The following AFM variants were observed in gnomAD, a reference collection of about 807,000 sequenced individuals.
AFM encodes the protein afamin.
AFM carries 82 observed loss-of-function variants against 68.7 expected under a neutral mutation model. The ratio of observed to expected loss-of-function variants is 1.19; its 90% confidence interval spans 1.00 to 1.43. The LOEUF is 1.43. AFM is among the 40% of genes most tolerant of loss of function. The pLI is 0.00. For missense variants in AFM, 772 were observed against 701.8 expected (o/e 1.10, Z -1.13); for synonymous variants, 250 against 234.2 (o/e 1.07, Z -0.61).
In AFM at chr4:73,484,341, A is replaced by T; in HGVS notation, c.221A>T (p.Lys74Ile). 1 of 1,613,038 alleles carries T rather than the reference A, an allele frequency of 6.2e-7. No individual in the cohort carries two copies. The highest frequency in any genetic ancestry group is 8.5e-7 in the Non-Finnish European group (1 of 1,179,602). The change falls in exon 3 of 15, where the codon AAA (lysine) becomes ATA (isoleucine). Residue 74 changes from lysine (K) to isoleucine (I), a missense_variant. By Grantham distance (102) the Lys-to-Ile change is moderately radical (BLOSUM62 -3). Transcript: ENST00000226355. Reference protein sequence around the residue: ...EKLVKDMVEYKDRCMADKTLP... With the variant: ...EKLVKDMVEYIDRCMADKTLP... ...CTGGTGAAAGACATGGTAGAATACA[A>T]AGACAGATGTATGGCTGACAAGACG... is the stretch of plus-strand genomic sequence containing the variant.
rs1721078055 is a variant in AFM at position 73,491,878 on chromosome 4, G to A, written c.850G>A (p.Val284Ile). 1.9e-6 allele frequency: 3 copies of A among 1,612,928 alleles called. No individual in the cohort carries two copies. The highest frequency in any genetic ancestry group is 2.5e-6 in the Non-Finnish European group (3 of 1,179,336). The change falls in exon 8 of 15, where the codon GTT (valine) becomes ATT (isoleucine). Residue 284 changes from valine (V) to isoleucine (I), a missense_variant. Coordinates refer to ENST00000226355, the MANE Select transcript of AFM (RefSeq NM_001133.2). ...TCATTCTTATTTGGTACAGAGCAAGGTTATGAACCATATTTGTTCAAAACA... is the reference window on the plus strand; with the variant it reads ...TCATTCTTATTTGGTACAGAGCAAGATTATGAACCATATTTGTTCAAAACA... ...VVQCIRDTSKVMNHICSKQDS... is the reference protein window; with the variant it reads ...VVQCIRDTSKIMNHICSKQDS...
chr4:73,502,909 G>A (rs1577982900), intron 13 of AFM, 141 bp from the exon 14 acceptor site: 1 of 814,832 alleles, frequency 1.2e-6, no homozygotes, highest in Non-Finnish European at 2.0e-6. Flanking sequence ...TTCACTAGAA[G>A]AAAGAATGTT....
intron 1 of AFM, among the ~76,000 whole-genome samples, chr4:73,483,019 A>G (rs1417486680): frequency 6.6e-6 from 1 of 152,136 alleles, no homozygotes; most frequent in African/African-American, 2.4e-5. Flanking sequence ...CCTAGGTACC[A>G]TTATTCCTCT....
At chr4:73,484,507 ATTCT>A (rs1488454683) in intron 3 of AFM, 117 bp downstream of exon 3, 10 of 440,582 alleles carry the variant, frequency 2.3e-5, no homozygotes, top group Middle Eastern at 6.3e-4. Context: ...TCTTTCTTTC[ATTCT>A]TTCTTTCTTC....
chr4:73,482,885 A>G (rs1048116847), intron 1 of AFM, among the ~76,000 whole-genome samples: 1 of 152,212 alleles, frequency 6.6e-6, no homozygotes, highest in Non-Finnish European at 1.5e-5. Context: ...CTTAGTGTAT[A>G]GAAATGATCA....
chr4:73,482,880 T>C (rs1381927108), intron 1 of AFM, among the ~76,000 whole-genome samples: 1 of 152,192 alleles, frequency 6.6e-6, no homozygotes, highest in Non-Finnish European at 1.5e-5. Context: ...TATTTCTTAG[T>C]GTATAGAAAT....
chr4:73,500,351 TC>T, intron 12 of AFM, 124 bp downstream of exon 12: 1 of 842,492 alleles, frequency 1.2e-6, no homozygotes, highest in Non-Finnish European at 1.8e-6. Flanking sequence ...CACCAAATTG[TC>T]CAGTCTCTTC....
At chr4:73,502,933 T>A in intron 13 of AFM, 117 bp from the exon 14 acceptor site, 1 of 979,828 alleles carries the variant, frequency 1.0e-6, no homozygotes, top group Non-Finnish European at 1.6e-6. Context: ...TGTTTCCCTG[T>A]ACAACGTGGG....
At position 73,484,491 on chromosome 4, in the gene AFM, T is replaced by TTTC. The variant is rs1553894011; in HGVS notation, c.270+104_270+106dup. 7.7e-6 allele frequency: 6 copies of TTTC among 782,912 alleles called. No individual in the cohort carries two copies. The African/African-American group carries it at 9.7e-5, about 13-fold the overall frequency. The allele number at this position is 782,912 out of a possible 1,614,324, so 48.5% of individuals were successfully genotyped here. A position where few individuals can be genotyped will look rare whatever the true frequency, so the allele number is the denominator to read the frequency against. On this transcript the variant is annotated intron_variant, in intron 3 of 14. Coordinates refer to ENST00000226355, the MANE Select transcript of AFM (RefSeq NM_001133.2). ...CTTTCTTTCTTTCTTTCTTTCTTTC[T>TTTC]TTCTTTCTTTCTTTCATTCTTTCTT...
At chr4:73,500,537 A>G (rs1043544685) in intron 12 of AFM, among the ~76,000 whole-genome samples, 2 of 152,188 alleles carry the variant, frequency 1.3e-5, no homozygotes, top group African/African-American at 4.8e-5. Flanking sequence ...CCTTGAGGGA[A>G]TGCCCGGAGA....
chr4:73,495,448 G>A lies in AFM; in HGVS notation c.1191+16G>A, dbSNP rs745407028. On this transcript the variant is annotated intron_variant, in intron 9 of 14. Coordinates refer to ENST00000226355, the MANE Select transcript of AFM (RefSeq NM_001133.2). ...CCGTTACGCGGTAGGTTCCATTGTT[G>A]TAGGTTCAGAAAATCAAAAAAGAAC... 2.5e-6 allele frequency: 4 copies of A among 1,596,596 alleles called. No homozygotes were observed. Among genetic ancestry groups the A allele is most frequent in the Non-Finnish European group, 3.4e-6 (4 of 1,175,938 alleles).
At chr4:73,487,217 A>G (rs1241016164) in intron 5 of AFM, 118 bp downstream of exon 5, 1 of 1,108,784 alleles carries the variant, frequency 9.0e-7, no homozygotes, top group Non-Finnish European at 1.3e-6. Context: ...CTCTTGTCAC[A>G]TTCAGTGATT....
intron 6 of AFM, among the ~76,000 whole-genome samples, chr4:73,488,156 G>A (rs1560409882): frequency 6.6e-6 from 1 of 152,130 alleles, no homozygotes. Flanking sequence ...CTTTAACAAT[G>A]AGGAGATAAA....
Position 73,488,890 on chromosome 4 carries a change from G to T in AFM, c.843+131G>T, listed in dbSNP as rs549011185. ...AATGTGATTTAACTTTTGAATGAAA[G>T]CATAAAATGAAATATAAACATTTTT... On this transcript the variant is annotated intron_variant, in intron 7 of 14. Coordinates refer to ENST00000226355, the MANE Select transcript of AFM (RefSeq NM_001133.2). The T allele has an allele frequency of 4.5e-6, 4 of 888,432 alleles. No homozygotes were observed. The African/African-American group carries it at 5.3e-5, about 12-fold the overall frequency. The allele number at this position is 888,432 out of a possible 1,614,324, so 55.0% of individuals were successfully genotyped here.
chr4:73,497,430 A>G (rs968614062), intron 9 of AFM, among the ~76,000 whole-genome samples: 3 of 152,200 alleles, frequency 2.0e-5, no homozygotes, highest in Non-Finnish European at 4.4e-5. Context: ...AGGTGATAAT[A>G]AAAAAATTTG....
chr4:73,487,035 A>G lies in AFM; in HGVS notation c.551A>G (p.His184Arg). The part of the protein sequence containing the change: ...FAPTLLTVAV[H>R]FEEVAKSCCE... Reference sequence around the variant, plus strand: ...CCTACACTTCTAACTGTTGCTGTTCATTTTGAGGAGGTGGCCAAATCATGT... The same window carrying G: ...CCTACACTTCTAACTGTTGCTGTTCGTTTTGAGGAGGTGGCCAAATCATGT... The change falls in exon 5 of 15, where the codon CAT becomes CGT. Residue 184 changes from histidine (H) to arginine (R), a missense_variant. His to Arg is a conservative substitution (Grantham distance 29). Transcript: ENST00000226355. 1 of 1,613,990 alleles carries G rather than the reference A, an allele frequency of 6.2e-7. No homozygotes were observed. Among genetic ancestry groups the G allele is most frequent in the Non-Finnish European group, 8.5e-7 (1 of 1,179,982 alleles).
At chr4:73,481,940 C>A in intron 1 of AFM, 77 bp downstream of exon 1, 1 of 1,047,034 alleles carries the variant, frequency 9.6e-7, no homozygotes, top group Non-Finnish European at 1.4e-6. Context: ...TGTTTTCTTT[C>A]AAGTTAATTC....
At chr4:73,484,103 T>C (rs563841696) in intron 2 of AFM, 114 bp downstream of exon 2, 12 of 1,366,708 alleles carry the variant, frequency 8.8e-6, no homozygotes, top group Non-Finnish European at 1.2e-5. Context: ...AGAAGACAAC[T>C]TTAATTATAA....
chr4:73,491,289 C>T (rs1721064257), intron 7 of AFM, among the ~76,000 whole-genome samples: 1 of 152,156 alleles, frequency 6.6e-6, no homozygotes, highest in Non-Finnish European at 1.5e-5. Flanking sequence ...CTAACCTGAA[C>T]AGCTTCAAAT....
Sources: gnomAD v4.1 joint callset for allele counts (sites outside exome capture counted in the v4.1 genomes callset) on GRCh38, gnomAD v4.1.1 for gene constraint, MANE v1.5 for transcripts, NCBI Gene and HGNC (gene_info 2026-07-23, HGNC 2026-07-21) for gene names.